The following CALCOCO2 variants were observed in gnomAD, a reference collection of about 807,000 sequenced individuals.
CALCOCO2 encodes the protein calcium binding and coiled-coil domain 2.
In CALCOCO2, 42 loss-of-function variants were observed where a neutral mutation model predicts 62.5. That is an observed-to-expected ratio of 0.67 (90% CI 0.53 to 0.87). The LOEUF is 0.87. Ranked by LOEUF, CALCOCO2 falls within the 40% of genes least tolerant of loss-of-function variation. CALCOCO2 has a pLI of 0.00. For synonymous variants in CALCOCO2, 167 were observed against 173.0 expected (o/e 0.97, Z 0.27); for missense variants, 456 against 515.0 (o/e 0.89, Z 1.11).
intron 10 of CALCOCO2, among the ~76,000 whole-genome samples, chr17:48,858,046 A>ATAGAATAGAATAGAATAG: frequency 0.04 from 1,555 of 39,326 alleles, 263 homozygotes; most frequent in Middle Eastern, 0.06. Context: ...ATAGAATAGA[A>ATAGAATAGAATAGAATAG]AATAGAATAG....
intron 10 of CALCOCO2, among the ~76,000 whole-genome samples, chr17:48,858,007 T>G (rs898386052): frequency 2.1e-4 from 4 of 19,142 alleles, no homozygotes; most frequent in Non-Finnish European, 2.8e-4. Context: ...TAGAATAGAA[T>G]AGAATAGAAT....
Position 48,858,059 on chromosome 17 carries a change from T to TAGAACAGAAC in CALCOCO2, c.1008+1876_1008+1877insCAGAACAGAA, listed in dbSNP as rs1567759615. On this transcript the variant is annotated intron_variant, in intron 10 of 12. Coordinates refer to ENST00000258947, the MANE Select transcript of CALCOCO2 (RefSeq NM_005831.5). ...GAATAGAATAGAAAATAGAATAGAA[T>TAGAACAGAAC]AGAATAGAATAGAATTTTACCATCT... Among the ~76,000 whole-genome samples, 5 of 136,898 alleles carry TAGAACAGAAC rather than the reference T, an allele frequency of 3.7e-5. 1 individual carries two copies. The highest frequency in any genetic ancestry group is 8.0e-5 in the Non-Finnish European group (5 of 62,698). 89.8% of individuals were successfully genotyped at this position (136,898 alleles called of 152,430 possible). A position where few individuals can be genotyped will look rare whatever the true frequency, so the allele number is the denominator to read the frequency against.
chr17:48,832,831 C>T (rs1218873452), intron 1 of CALCOCO2, among the ~76,000 whole-genome samples: 1 of 152,208 alleles, frequency 6.6e-6, no homozygotes, highest in African/African-American at 2.4e-5. Context: ...TTGCCCGCAC[C>T]TGATGTCCCA....
intron 1 of CALCOCO2, among the ~76,000 whole-genome samples, chr17:48,835,724 TCTTTTC>T (rs1388613993): frequency 4.9e-3 from 2 of 406 alleles, no homozygotes; most frequent in African/African-American, 5.9e-3. Context: ...TGGTTGTTTT[TCTTTTC>T]TTTTCTTTTC....
intron 1 of CALCOCO2, among the ~76,000 whole-genome samples, chr17:48,837,365 C>T (rs942120230): frequency 6.6e-6 from 1 of 152,124 alleles, no homozygotes; most frequent in African/African-American, 2.4e-5. Flanking sequence ...CTCTTTTGAG[C>T]CGGGCATGGT....
chr17:48,861,606 GT>G (rs1358383100), intron 11 of CALCOCO2, among the ~76,000 whole-genome samples: 1 of 127,278 alleles, frequency 7.9e-6, no homozygotes, highest in African/African-American at 3.3e-5. Context: ...TAGCTTTGTT[GT>G]TTTTTTCTGA....
At chr17:48,838,771 C>G (rs1434714980) in intron 1 of CALCOCO2, among the ~76,000 whole-genome samples, 1 of 152,046 alleles carries the variant, frequency 6.6e-6, no homozygotes, top group Non-Finnish European at 1.5e-5. Context: ...CACAATCTTC[C>G]AGCATATACC....
In CALCOCO2 at chr17:48,864,014, G is replaced by A. The variant is rs2040360733; in HGVS notation, c.*1009G>A. On this transcript the variant is annotated 3_prime_UTR_variant, in exon 13 of 13. Coordinates refer to ENST00000258947, the MANE Select transcript of CALCOCO2 (RefSeq NM_005831.5). ...TGGCAGTTATCTTGAGGTGGGGAAG[G>A]AGGTGATGAAACATTAGTTTGTGAA... is the stretch of plus-strand genomic sequence containing the variant. 1 of 151,556 alleles carries A rather than the reference G, an allele frequency of 6.6e-6. No individual in the cohort carries two copies. Among genetic ancestry groups the A allele is most frequent in the African/African-American group, 2.4e-5 (1 of 41,252 alleles). 9.4% of individuals were successfully genotyped at this position (151,556 alleles called of 1,614,324 possible). A position where few individuals can be genotyped will look rare whatever the true frequency, so the allele number is the denominator to read the frequency against.
intron 1 of CALCOCO2, among the ~76,000 whole-genome samples, chr17:48,834,683 G>A (rs548725001): frequency 1.3e-5 from 2 of 152,298 alleles, no homozygotes; most frequent in East Asian, 3.9e-4. Flanking sequence ...TGCCAAGTTA[G>A]AAATGGATGG....
intron 9 of CALCOCO2, 149 bp from the exon 10 acceptor site, chr17:48,855,943 C>T (rs1051362447): frequency 3.0e-5 from 12 of 401,438 alleles, no homozygotes; most frequent in South Asian, 1.6e-4. Flanking sequence ...TAATTTAGCA[C>T]CCTGCCCATA....
Position 48,862,313 on chromosome 17 carries a change from T to A in CALCOCO2, c.1173+9T>A. ...GTTCTTCCCCCAGCCCGGTAAGTAT[T>A]TGATTCATGAGAATATTCCCACAAA... On this transcript the variant is annotated intron_variant, in intron 12 of 12. Transcript: ENST00000258947. 1.3e-6 allele frequency: 2 copies of A among 1,572,142 alleles called. No individual in the cohort carries two copies.
intron 10 of CALCOCO2, among the ~76,000 whole-genome samples, chr17:48,858,046 A>AAATAGAATAG (rs1555573798): frequency 0.011 from 438 of 40,042 alleles, 60 homozygotes; most frequent in African/African-American, 0.034. Flanking sequence ...ATAGAATAGA[A>AAATAGAATAG]AATAGAATAG....
chr17:48,834,700 G>A (rs747367280), intron 1 of CALCOCO2, among the ~76,000 whole-genome samples: 1 of 152,178 alleles, frequency 6.6e-6, no homozygotes, highest in African/African-American at 2.4e-5. Context: ...ATGGTAGACA[G>A]GTTCTATAGT....
intron 10 of CALCOCO2, among the ~76,000 whole-genome samples, chr17:48,858,057 A>G (rs182211131): frequency 1.2e-3 from 164 of 139,524 alleles, no homozygotes; most frequent in African/African-American, 3.5e-3. Context: ...AATAGAATAG[A>G]ATAGAATAGA....
At chr17:48,856,000 C>A in intron 9 of CALCOCO2, 92 bp from the exon 10 acceptor site, 1 of 555,048 alleles carries the variant, frequency 1.8e-6, no homozygotes. Context: ...CTCAGTCTCC[C>A]CGCTTTGCAA....
Position 48,862,910 on chromosome 17 carries a change from C to A in CALCOCO2, c.1246C>A (p.Gln416Lys). ...CDHTLEQQQM[Q>K]PLCFNCPICD... ...TCACACCTTGGAGCAACAGCAGATG[C>A]AGCCCCTTTGTTTCAATTGTCCAAT... Residue 416 changes from glutamine to lysine, a missense_variant, in exon 13 of 13, where the codon CAG becomes AAG. By Grantham distance (53) the Gln-to-Lys change is moderately conservative. Transcript: ENST00000258947. 1 of 1,613,536 alleles carries A rather than the reference C, an allele frequency of 6.2e-7. No homozygotes were observed. The highest frequency in any genetic ancestry group is 8.5e-7 in the Non-Finnish European group (1 of 1,179,410).
intron 2 of CALCOCO2, chr17:48,846,586 A>G (rs1408600619): frequency 2.8e-6 from 2 of 714,756 alleles, no homozygotes; most frequent in East Asian, 2.7e-5. Context: ...TTTTGGTCAC[A>G]GTGCATTAAG....
intron 2 of CALCOCO2, among the ~76,000 whole-genome samples, chr17:48,846,831 A>G (rs901236458): frequency 4.6e-5 from 7 of 152,194 alleles, no homozygotes; most frequent in Non-Finnish European, 8.8e-5. Context: ...AGACAGGGTC[A>G]AAATATGGCA....
rs140191996 is a variant in CALCOCO2 at position 48,856,035 on chromosome 17, C to T, written c.913-57C>T. ...ATGCCAGATTCTCTACAATTTCTCACCTTGTACCCAGACTGCAATATGTGA... is the reference window on the plus strand; with the variant it reads ...ATGCCAGATTCTCTACAATTTCTCATCTTGTACCCAGACTGCAATATGTGA... On this transcript the variant is annotated intron_variant, in intron 9 of 12. Transcript: ENST00000258947. 1.1e-4 allele frequency: 96 copies of T among 850,548 alleles called. No homozygotes were observed. The African/African-American group carries it at 1.5e-3, about 13-fold the overall frequency. The allele number at this position is 850,548 out of a possible 1,614,324, so 52.7% of individuals were successfully genotyped here. A position where few individuals can be genotyped will look rare whatever the true frequency, so the allele number is the denominator to read the frequency against.
Sources: allele counts gnomAD v4.1 joint callset (sites outside exome capture counted in the v4.1 genomes callset), GRCh38; gene constraint gnomAD v4.1.1; transcripts MANE v1.5; gene names NCBI Gene and HGNC (gene_info 2026-07-23, HGNC 2026-07-21).